Variants in NLGN4Y observed in about 807,000 individuals in gnomAD.
NLGN4Y encodes the protein neuroligin 4 Y-linked.
In NLGN4Y, 4 loss-of-function variants were observed where a neutral mutation model predicts 8.4. The ratio of observed to expected loss-of-function variants is 0.48; its 90% CI spans 0.23 to 1.09. The LOEUF (loss-of-function observed/expected upper bound fraction) is 1.09. NLGN4Y is among the 50% of genes least tolerant of loss of function. The pLI, the probability that NLGN4Y is intolerant of heterozygous loss-of-function variation, is 0.19. For missense variants in NLGN4Y, 90 were observed against 192.3 expected (o/e 0.47, Z 3.15); for synonymous variants, 35 against 75.6 (o/e 0.46, Z 2.78).
At chrY:14,548,997 G>A in intron 1 of NLGN4Y, among the ~76,000 whole-genome samples, 21 of 32,314 alleles carry the variant, frequency 6.5e-4, no homozygotes. Flanking sequence ...GGGCCTATAC[G>A]TTCTGCCCTC....
At chrY:14,801,148 A>C in intron 4 of NLGN4Y, 1 of 33,112 alleles carries the variant, frequency 3.0e-5, no homozygotes, top group African/African-American at 1.2e-4. Context: ...AGGAAAAACA[A>C]TAGTATAAGA....
chrY:14,527,896 C>T (rs2080098923), intron 1 of NLGN4Y, among the ~76,000 whole-genome samples: 1 of 33,436 alleles, frequency 3.0e-5, no homozygotes. Flanking sequence ...AACCCTTCCT[C>T]ATTTTTCTTG....
chrY:14,543,433 C>A, intron 1 of NLGN4Y, among the ~76,000 whole-genome samples: 1 of 33,476 alleles, frequency 3.0e-5, no homozygotes, highest in South Asian at 6.7e-4. Flanking sequence ...GTTTTAGAGT[C>A]GGAAAATTTA....
chrY:14,824,146 C>A (rs750825782), intron 4 of NLGN4Y, 42 bp from the exon 5 acceptor site: 1 of 388,789 alleles, frequency 2.6e-6, no homozygotes, highest in South Asian at 3.0e-5. Flanking sequence ...GATGTGTACA[C>A]AATTTTTTTG....
At chrY:14,720,840 C>T in intron 3 of NLGN4Y, among the ~76,000 whole-genome samples, 2 of 33,374 alleles carry the variant, frequency 6.0e-5, no homozygotes, top group East Asian at 7.9e-4. Context: ...GGTCTTGATT[C>T]TGATGGTGGT....
At chrY:14,721,777 C>T (rs1603503185) in intron 3 of NLGN4Y, among the ~76,000 whole-genome samples, 1 of 26,198 alleles carries the variant, frequency 3.8e-5, no homozygotes, top group Non-Finnish European at 9.3e-5. Flanking sequence ...TATTTGTATA[C>T]ACACACACAC....
chrY:14,835,859 G>A (rs2043196539), intron 6 of NLGN4Y, among the ~76,000 whole-genome samples: 1 of 28,288 alleles, frequency 3.5e-5, no homozygotes, highest in Non-Finnish European at 8.4e-5. Context: ...AGGGAGGGAG[G>A]GACAATTGGA....
chrY:14,589,857 G>T, intron 1 of NLGN4Y, among the ~76,000 whole-genome samples: 1 of 34,283 alleles, frequency 2.9e-5, no homozygotes. Flanking sequence ...GGGGAGGCTC[G>T]GGCCGCACAG....
intron 4 of NLGN4Y, among the ~76,000 whole-genome samples, chrY:14,725,032 T>G (rs764985391): frequency 1.2e-4 from 4 of 33,713 alleles, no homozygotes; most frequent in South Asian, 1.3e-3. Flanking sequence ...TAATTACATC[T>G]GCAAAGACCC....
chrY:14,816,050 T>C (rs1051613660), intron 4 of NLGN4Y, among the ~76,000 whole-genome samples: 1 of 33,731 alleles, frequency 3.0e-5, no homozygotes, highest in African/African-American at 1.2e-4. Flanking sequence ...AGACATGTCC[T>C]TGTAAATAGG....
intron 1 of NLGN4Y, among the ~76,000 whole-genome samples, chrY:14,540,136 G>A: frequency 5.2e-5 from 1 of 19,310 alleles, no homozygotes; most frequent in African/African-American, 2.1e-4. Flanking sequence ...TGGGGGGGCG[G>A]GGGGGGCACA....
At chrY:14,565,310 C>T (rs2080247516) in intron 1 of NLGN4Y, among the ~76,000 whole-genome samples, 1 of 31,085 alleles carries the variant, frequency 3.2e-5, no homozygotes, top group Non-Finnish European at 7.7e-5. Flanking sequence ...GAATAACCAG[C>T]TTGAGAAGAA....
At chrY:14,626,156 C>T (rs2150509596) in intron 2 of NLGN4Y, among the ~76,000 whole-genome samples, 3 of 34,103 alleles carry the variant, frequency 8.8e-5, no homozygotes, top group South Asian at 6.4e-4. Context: ...TGCCGACCCT[C>T]GCGGTGAGTG....
intron 1 of NLGN4Y, among the ~76,000 whole-genome samples, chrY:14,546,757 A>G (rs770785246): frequency 3.0e-5 from 1 of 33,104 alleles, no homozygotes; most frequent in East Asian, 7.9e-4. Context: ...TCCTAATCGG[A>G]TACCTTTTAT....
chrY:14,715,422 C>T, intron 2 of NLGN4Y, among the ~76,000 whole-genome samples: 1 of 33,431 alleles, frequency 3.0e-5, no homozygotes, highest in Non-Finnish European at 7.4e-5. Flanking sequence ...AACTGGATAA[C>T]AAAATGTGGT....
chrY:14,770,942 G>A (rs757940426), intron 4 of NLGN4Y, among the ~76,000 whole-genome samples: 1 of 32,912 alleles, frequency 3.0e-5, no homozygotes, highest in East Asian at 8.2e-4. Flanking sequence ...ATCATACAAA[G>A]GAAAGGATAT....
intron 3 of NLGN4Y, among the ~76,000 whole-genome samples, chrY:14,722,087 C>A (rs779068951): frequency 6.0e-5 from 2 of 33,505 alleles, no homozygotes; most frequent in Admixed American, 5.4e-4. Flanking sequence ...AATTTGTATT[C>A]TTTTACCATT....
At chrY:14,731,729 T>C in intron 4 of NLGN4Y, among the ~76,000 whole-genome samples, 1 of 33,318 alleles carries the variant, frequency 3.0e-5, no homozygotes, top group Non-Finnish European at 7.4e-5. Flanking sequence ...CCAATTTTTC[T>C]AACTTTTACT....
chrY:14,785,520 G>A (rs931969784), intron 4 of NLGN4Y, among the ~76,000 whole-genome samples: 1 of 34,047 alleles, frequency 2.9e-5, no homozygotes, highest in East Asian at 7.8e-4. Flanking sequence ...AATCCCAGCA[G>A]TTTGGGAGGC....
Sources: gnomAD v4.1 joint callset for allele counts (sites outside exome capture counted in the v4.1 genomes callset) on GRCh38, gnomAD v4.1.1 for gene constraint, MANE v1.5 for transcripts, NCBI Gene and HGNC (gene_info 2026-07-23, HGNC 2026-07-21) for gene names.